The following PCSK5 variants were observed in gnomAD, a reference collection of about 807,000 sequenced individuals.
The protein encoded by PCSK5 is prohormone convertase 5.
A neutral mutation model predicts 233.2 loss-of-function variants in PCSK5; 129 were observed. That is an observed-to-expected ratio of 0.55 (90% confidence interval 0.48 to 0.64). The LOEUF is 0.64. PCSK5 is among the 30% of genes least tolerant of loss of function. The probability of loss-of-function intolerance (pLI) is 0.00; values close to 1 mark genes in which losing one functional copy is unlikely to be tolerated. For synonymous variants in PCSK5, 825 were observed against 879.2 expected (o/e 0.94, Z 1.09); for missense variants, 2,076 against 2,430.1 (o/e 0.85, Z 3.06).
intron 2 of PCSK5, among the ~76,000 whole-genome samples, chr9:75,941,085 C>G (rs955182149): frequency 2.0e-5 from 3 of 152,176 alleles, no homozygotes; most frequent in Non-Finnish European, 4.4e-5. Context: ...CAAGTGCTTC[C>G]TGTGTAGGCC....
intron 7 of PCSK5, among the ~76,000 whole-genome samples, chr9:76,087,867 A>AT (rs1178843361): frequency 1.3e-5 from 2 of 152,176 alleles, no homozygotes; most frequent in Non-Finnish European, 2.9e-5. Flanking sequence ...AAGAGGAGGG[A>AT]GTGAAGTCAT....
At chr9:75,987,198 C>T (rs1826554430) in intron 3 of PCSK5, among the ~76,000 whole-genome samples, 1 of 152,120 alleles carries the variant, frequency 6.6e-6, no homozygotes, top group Non-Finnish European at 1.5e-5. Flanking sequence ...GCCTGGAATA[C>T]GTTCCCTGCC....
chr9:75,897,781 A>G (rs1825874220), intron 1 of PCSK5, among the ~76,000 whole-genome samples: 4 of 151,696 alleles, frequency 2.6e-5, no homozygotes, highest in Non-Finnish European at 4.4e-5. Flanking sequence ...AGCCACTGGG[A>G]CGAGGCAAGA....
At chr9:75,948,853 CT>C (rs1400545452) in intron 2 of PCSK5, among the ~76,000 whole-genome samples, 1 of 152,010 alleles carries the variant, frequency 6.6e-6, no homozygotes, top group Non-Finnish European at 1.5e-5. Context: ...GATCACCATT[CT>C]AACTCACCAC....
chr9:76,322,161 G>A (rs1037808531), intron 31 of PCSK5, among the ~76,000 whole-genome samples: 2 of 152,076 alleles, frequency 1.3e-5, no homozygotes, highest in African/African-American at 4.8e-5. Flanking sequence ...TGTTGGTCAG[G>A]CTGGTCTCAA....
chr9:76,169,741 G>A lies in PCSK5; in HGVS notation c.1657G>A (p.Glu553Lys), dbSNP rs1490841354. 6.2e-7 allele frequency: 1 copy of A among 1,613,346 alleles called. No individual in the cohort carries two copies. The highest frequency in any genetic ancestry group is 8.5e-7 in the Non-Finnish European group (1 of 1,179,492). Residue 553 changes from glutamate to lysine, a missense_variant, in exon 13 of 38, where the codon GAG (glutamate) becomes AAG (lysine). Glu to Lys is a moderately conservative substitution (Grantham distance 56). Around this residue, in one of 6 missense-constraint regions of PCSK5, gnomAD observed 50 missense variants for 104.7 expected, o/e 0.48. Transcript: ENST00000674117. ...CTCCATGGAAGGATTCAAAAACTGGGAGTTCATGACCATTCATTGCTGGGG... is the reference window on the plus strand; with the variant it reads ...CTCCATGGAAGGATTCAAAAACTGGAAGTTCATGACCATTCATTGCTGGGG... ...DHSMEGFKNW[E>K]FMTIHCWGER...
chr9:76,060,672 G>C (rs947724874), intron 5 of PCSK5, among the ~76,000 whole-genome samples: 5 of 152,086 alleles, frequency 3.3e-5, no homozygotes, highest in African/African-American at 1.2e-4. Flanking sequence ...CTTGTACATG[G>C]GTATAAGAGA....
chr9:76,102,393 G>A (rs1831800549), intron 8 of PCSK5, among the ~76,000 whole-genome samples: 1 of 152,136 alleles, frequency 6.6e-6, no homozygotes, highest in Non-Finnish European at 1.5e-5. Flanking sequence ...CTCATTCATT[G>A]CAAGCTGCTC....
intron 7 of PCSK5, among the ~76,000 whole-genome samples, chr9:76,092,197 G>T (rs942464191): frequency 1.3e-5 from 2 of 152,140 alleles, no homozygotes; most frequent in Non-Finnish European, 2.9e-5. Context: ...TAATTCTACT[G>T]CCAAGTCTGG....
chr9:76,114,702 A>C (rs1308069085), intron 9 of PCSK5, among the ~76,000 whole-genome samples: 1 of 144,170 alleles, frequency 6.9e-6, no homozygotes, highest in Non-Finnish European at 1.5e-5. Flanking sequence ...GTATTTTGAA[A>C]AATGTTATTA....
intron 32 of PCSK5, among the ~76,000 whole-genome samples, chr9:76,326,256 T>C (rs1829355862): frequency 1.3e-5 from 2 of 152,168 alleles, no homozygotes; most frequent in Admixed American, 1.3e-4. Flanking sequence ...TGTAGTGGTG[T>C]GTGCCTGTAG....
At chr9:76,318,799 T>A (rs1170437300) in intron 30 of PCSK5, among the ~76,000 whole-genome samples, 2 of 152,226 alleles carry the variant, frequency 1.3e-5, no homozygotes, top group Admixed American at 6.5e-5. Flanking sequence ...TTGAGTCTTT[T>A]GGAAATTTTT....
chr9:76,205,618 G>C (rs1046307627), intron 20 of PCSK5, among the ~76,000 whole-genome samples: 5 of 152,200 alleles, frequency 3.3e-5, no homozygotes, highest in African/African-American at 1.2e-4. Flanking sequence ...GTCTAACATT[G>C]AGAATTCCAG....
chr9:76,251,655 A>G (rs1268670917), intron 24 of PCSK5, among the ~76,000 whole-genome samples: 1 of 151,974 alleles, frequency 6.6e-6, no homozygotes, highest in Non-Finnish European at 1.5e-5. Flanking sequence ...TCTGTATAAT[A>G]CAGTAACTGA....
At chr9:75,985,657 A>T (rs1446720273) in intron 2 of PCSK5, among the ~76,000 whole-genome samples, 2 of 152,210 alleles carry the variant, frequency 1.3e-5, no homozygotes, top group Non-Finnish European at 2.9e-5. Flanking sequence ...GAACACATTC[A>T]CACCCATTCA....
intron 3 of PCSK5, among the ~76,000 whole-genome samples, chr9:76,017,213 C>T (rs999928457): frequency 1.4e-4 from 21 of 152,172 alleles, no homozygotes; most frequent in Non-Finnish European, 2.2e-4. Flanking sequence ...TTCCAGCCCA[C>T]GACCTCAAAT....
At chr9:76,033,827 A>G (rs1353209619) in intron 5 of PCSK5, among the ~76,000 whole-genome samples, 2 of 152,086 alleles carry the variant, frequency 1.3e-5, no homozygotes, top group Non-Finnish European at 2.9e-5. Context: ...TTAAAAGGGC[A>G]CTAATCCCAT....
intron 24 of PCSK5, among the ~76,000 whole-genome samples, chr9:76,289,186 C>T (rs887980082): frequency 1.3e-5 from 2 of 152,064 alleles, no homozygotes; most frequent in East Asian, 1.9e-4. Flanking sequence ...GACAGAAAGA[C>T]GGCATCCCCG....
intron 24 of PCSK5, among the ~76,000 whole-genome samples, chr9:76,266,401 C>G (rs1827334035): frequency 1.3e-5 from 2 of 152,288 alleles, no homozygotes; most frequent in South Asian, 4.1e-4. Flanking sequence ...ATCATGGCAG[C>G]TTGGGTCAAT....
Sources: gnomAD v4.1 joint callset for allele counts (sites outside exome capture counted in the v4.1 genomes callset) on GRCh38, gnomAD v4.1.1 for gene constraint, gnomAD v4.1.1 regional missense constraint, MANE v1.5 for transcripts, NCBI Gene and HGNC (gene_info 2026-07-23, HGNC 2026-07-21) for gene names.